The following SH3PXD2A variants were observed in gnomAD, a reference collection of about 807,000 sequenced individuals.
The protein encoded by SH3PXD2A is SH3 and PX domain-containing protein 2A.
Under a neutral mutation model 115.2 loss-of-function variants are expected in SH3PXD2A, and 32 were observed. That is an observed-to-expected ratio of 0.28 (90% CI 0.21 to 0.37). The LOEUF (loss-of-function observed/expected upper bound fraction) is 0.37, where lower values mean the gene tolerates loss of function less well. SH3PXD2A is among the 10% of genes least tolerant of loss of function. The pLI, the probability that SH3PXD2A is intolerant of heterozygous loss-of-function variation, is 1.00. For missense variants in SH3PXD2A, 1,328 were observed against 1,498.7 expected, an observed-to-expected ratio of 0.89 and a Z score of 1.88; for synonymous variants, 610 against 629.1, an observed-to-expected ratio of 0.97 and a Z score of 0.45.
At chr10:103,658,311 G>A (rs1211386792) in intron 8 of SH3PXD2A, among the ~76,000 whole-genome samples, 2 of 152,222 alleles carry the variant, frequency 1.3e-5, no homozygotes, top group Non-Finnish European at 2.9e-5. Context: ...AAGGCCCAGG[G>A]AGGTGGGGAT....
Position 103,613,089 on chromosome 10 carries a change from A to G in SH3PXD2A, c.1022T>C (p.Ile341Thr), listed in dbSNP as rs758325237. The G allele has an allele frequency of 1.8e-5, 29 of 1,614,036 alleles. No individual in the cohort carries two copies. Among genetic ancestry groups the G allele is most frequent in the Non-Finnish European group, 2.2e-5 (26 of 1,179,994 alleles). ...GTTGCTGATCTCCATGATGTTCCCA[A>G]TGATCTCCACTGGGCCGGCCAGGTT... The part of the protein sequence containing the change: ...KKNLAGPVEI[I>T]GNIMEISNLL... Residue 341 changes from isoleucine (I) to threonine (T), a missense_variant, in exon 12 of 15, where the codon ATT becomes ACT. This residue lies in a region of SH3PXD2A where 509 missense variants were observed against 628.3 expected (regional missense o/e 0.81). Coordinates refer to ENST00000369774, the MANE Select transcript of SH3PXD2A (RefSeq NM_001394015.1).
chr10:103,625,317 C>A (rs532447159), intron 9 of SH3PXD2A, among the ~76,000 whole-genome samples: 78 of 152,366 alleles, frequency 5.1e-4, no homozygotes, highest in African/African-American at 1.8e-3. Flanking sequence ...GGCTCTGATT[C>A]ATACACGCAC....
intron 6 of SH3PXD2A, among the ~76,000 whole-genome samples, chr10:103,680,131 C>G (rs1313530221): frequency 6.6e-6 from 1 of 152,116 alleles, no homozygotes; most frequent in South Asian, 2.1e-4. Flanking sequence ...AGGCGCCCAC[C>G]ACGACACCAA....
chr10:103,758,102 G>A (rs190775636), intron 3 of SH3PXD2A, among the ~76,000 whole-genome samples: 32 of 152,358 alleles, frequency 2.1e-4, no homozygotes, highest in African/African-American at 7.7e-4. Flanking sequence ...AGAGCCTGGA[G>A]TCCGTGTGAC....
intron 1 of SH3PXD2A, among the ~76,000 whole-genome samples, chr10:103,849,353 T>C (rs1431837473): frequency 6.6e-6 from 1 of 152,246 alleles, no homozygotes; most frequent in Admixed American, 6.5e-5. Flanking sequence ...GGGGTTGTTA[T>C]GAGGTTCAAG....
intron 4 of SH3PXD2A, among the ~76,000 whole-genome samples, chr10:103,726,518 T>C (rs142416241): frequency 6.6e-6 from 1 of 152,356 alleles, no homozygotes; most frequent in African/African-American, 2.4e-5. Context: ...GGTTGATTTC[T>C]GTGTCCCCAG....
At chr10:103,668,492 G>T in intron 7 of SH3PXD2A, 116 bp downstream of exon 7, 1 of 912,676 alleles carries the variant, frequency 1.1e-6, no homozygotes, top group Non-Finnish European at 1.7e-6. Context: ...TGCCATGCTG[G>T]CAAACAGCTG....
intron 6 of SH3PXD2A, among the ~76,000 whole-genome samples, chr10:103,688,872 A>G (rs1207703549): frequency 6.6e-6 from 1 of 150,842 alleles, no homozygotes; most frequent in Non-Finnish European, 1.5e-5. Context: ...CTTCCTTCCT[A>G]TTTATTTATT....
At chr10:103,842,596 G>C (rs1042887772) in intron 1 of SH3PXD2A, among the ~76,000 whole-genome samples, 2 of 152,044 alleles carry the variant, frequency 1.3e-5, no homozygotes, top group Non-Finnish European at 2.9e-5. Flanking sequence ...CTACCTCTGT[G>C]AGATCTACTC....
At chr10:103,763,394 T>G (rs1190024835) in intron 3 of SH3PXD2A, among the ~76,000 whole-genome samples, 1 of 152,182 alleles carries the variant, frequency 6.6e-6, no homozygotes, top group East Asian at 1.9e-4. Context: ...AAATAATAGG[T>G]GCTCTCTGCT....
At chr10:103,772,003 C>A (rs2236279) in intron 2 of SH3PXD2A, among the ~76,000 whole-genome samples, 14,559 of 152,162 alleles carry the variant, frequency 0.096, 909 homozygotes, top group African/African-American at 0.16. Context: ...CCACTGGCCG[C>A]GGAAAACGGA....
chr10:103,718,760 G>GACACACAC (rs55844048), intron 5 of SH3PXD2A, among the ~76,000 whole-genome samples: 9,278 of 128,216 alleles, frequency 0.072, 467 homozygotes, highest in Middle Eastern at 0.13. Context: ...CCCCAATCAG[G>GACACACAC]ACACACACAC....
chr10:103,774,129 TA>T (rs1396819985), intron 2 of SH3PXD2A, among the ~76,000 whole-genome samples: 1 of 152,142 alleles, frequency 6.6e-6, no homozygotes, highest in African/African-American at 2.4e-5. Context: ...TGTGGCCATT[TA>T]AAAAAAAGTT....
chr10:103,839,354 C>T (rs1044767538), intron 1 of SH3PXD2A, among the ~76,000 whole-genome samples: 58 of 152,266 alleles, frequency 3.8e-4, no homozygotes, highest in Non-Finnish European at 7.4e-4. Context: ...CATGCACATG[C>T]GAAGGATTCT....
intron 5 of SH3PXD2A, among the ~76,000 whole-genome samples, chr10:103,721,868 G>A (rs2038186407): frequency 6.6e-6 from 1 of 152,082 alleles, no homozygotes; most frequent in African/African-American, 2.4e-5. Flanking sequence ...AGGAGCTTCA[G>A]GACCACAGTC....
intron 1 of SH3PXD2A, among the ~76,000 whole-genome samples, chr10:103,852,110 C>T (rs934907636): frequency 2.0e-5 from 3 of 152,218 alleles, no homozygotes; most frequent in African/African-American, 7.2e-5. Context: ...CCAGGCACAG[C>T]TCAGAAAGCC....
At chr10:103,762,012 G>GTTTTTTT (rs1554920581) in intron 3 of SH3PXD2A, among the ~76,000 whole-genome samples, 21 of 95,338 alleles carry the variant, frequency 2.2e-4, no homozygotes, top group Non-Finnish European at 2.8e-4. Flanking sequence ...CAATCAACAC[G>GTTTTTTT]TCTTTTTTTT....
intron 3 of SH3PXD2A, 50 bp from the exon 4 acceptor site, chr10:103,735,858 G>C: frequency 7.1e-7 from 1 of 1,415,174 alleles, no homozygotes; most frequent in Non-Finnish European, 1.0e-6. Context: ...AACTGCTACA[G>C]AGACCTTCTC....
At chr10:103,604,998 A>G (rs868030013) in intron 14 of SH3PXD2A, among the ~76,000 whole-genome samples, 7 of 152,238 alleles carry the variant, frequency 4.6e-5, no homozygotes, top group African/African-American at 9.7e-5. Context: ...AGTTAACTCA[A>G]TTACTACACA....
Sources: allele counts gnomAD v4.1 joint callset (sites outside exome capture counted in the v4.1 genomes callset), GRCh38; gene constraint gnomAD v4.1.1; regional missense constraint gnomAD v4.1.1; transcripts MANE v1.5; gene names NCBI Gene and HGNC (gene_info 2026-07-23, HGNC 2026-07-21).